Variants in ASB3 observed in about 807,000 individuals in gnomAD.
The protein encoded by ASB3 is ankyrin repeat and SOCS box containing 3.
In ASB3, 41 loss-of-function variants were observed where a neutral mutation model predicts 54.5. The observed-to-expected ratio is 0.75, with a 90% CI of 0.59 to 0.98. The LOEUF (loss-of-function observed/expected upper bound fraction) is 0.98, where lower values mean the gene tolerates loss of function less well. Among genes scored for constraint, ASB3 ranks in the 50% least tolerant of loss-of-function variants. The pLI is 0.00. For synonymous variants in ASB3, 266 were observed against 221.2 expected (o/e 1.20, Z -1.80); for missense variants, 733 against 620.0 (o/e 1.18, Z -1.94).
chr2:53,679,868 C>T lies in ASB3; in HGVS notation c.1370-9178G>A, dbSNP rs566112051. On this transcript the variant is annotated intron_variant, in intron 9 of 9. Transcript: ENST00000263634. ...CCAGGTATTAAGCCTAGTACTCATTCGTTATTTTTTCCTGGTCCTCTCCTT... is the reference window on the plus strand; with the variant it reads ...CCAGGTATTAAGCCTAGTACTCATTTGTTATTTTTTCCTGGTCCTCTCCTT... Among the ~76,000 whole-genome samples, 18 of 152,214 alleles carry T rather than the reference C, an allele frequency of 1.2e-4. No homozygotes were observed. The South Asian group carries it at 3.7e-3, about 32-fold the overall frequency.
At chr2:53,720,196 C>A (rs751948101) in intron 5 of ASB3, among the ~76,000 whole-genome samples, 2 of 151,428 alleles carry the variant, frequency 1.3e-5, no homozygotes, top group Non-Finnish European at 2.9e-5. Flanking sequence ...TGGACATACT[C>A]TCCCCACTTT....
At chr2:53,725,369 A>C (rs1175742268) in intron 5 of ASB3, among the ~76,000 whole-genome samples, 1 of 152,192 alleles carries the variant, frequency 6.6e-6, no homozygotes, top group Non-Finnish European at 1.5e-5. Context: ...GGTCATTCAT[A>C]TCCCAAACCT....
At chr2:53,692,083 C>T (rs182966756) in intron 9 of ASB3, among the ~76,000 whole-genome samples, 2 of 152,288 alleles carry the variant, frequency 1.3e-5, no homozygotes, top group South Asian at 2.1e-4. Flanking sequence ...GCCTCTACCC[C>T]TTAGATGGCA....
chr2:53,778,492 A>T (rs1006613894), intron 1 of ASB3, among the ~76,000 whole-genome samples: 4 of 152,200 alleles, frequency 2.6e-5, no homozygotes, highest in African/African-American at 9.6e-5. Flanking sequence ...TGTGCAACAT[A>T]TCTCAAAGAA....
chr2:53,682,572 G>T (rs1030988317), intron 9 of ASB3, among the ~76,000 whole-genome samples: 1 of 152,234 alleles, frequency 6.6e-6, no homozygotes, highest in African/African-American at 2.4e-5. Context: ...CACCTCTCGG[G>T]TTCAAGTGAT....
At chr2:53,752,459 T>C (rs2104013526) in intron 2 of ASB3, among the ~76,000 whole-genome samples, 1 of 152,346 alleles carries the variant, frequency 6.6e-6, no homozygotes, top group African/African-American at 2.4e-5. Context: ...GCCAGGCTCC[T>C]CCCCACTGCA....
intron 9 of ASB3, among the ~76,000 whole-genome samples, chr2:53,693,267 T>C (rs901653748): frequency 6.6e-6 from 1 of 152,164 alleles, no homozygotes; most frequent in African/African-American, 2.4e-5. Context: ...TGCAAAATCT[T>C]CCCCCACTGT....
chr2:53,775,195 A>C (rs1376719560), intron 1 of ASB3: 2 of 152,662 alleles, frequency 1.3e-5, no homozygotes, highest in African/African-American at 4.8e-5. Flanking sequence ...CATGATCACT[A>C]ATGATGTAGT....
chr2:53,716,796 C>G, intron 5 of ASB3, 53 bp from the exon 6 acceptor site: 1 of 1,513,344 alleles, frequency 6.6e-7, no homozygotes, highest in Admixed American at 2.0e-5. Context: ...TTAAAAAAAT[C>G]AACACAAATT....
chr2:53,750,714 T>C, intron 3 of ASB3, 69 bp downstream of exon 3: 2 of 1,397,032 alleles, frequency 1.4e-6, no homozygotes, highest in Non-Finnish European at 1.9e-6. Context: ...GAAGGAAAAA[T>C]TAAGCTTAGT....
intron 5 of ASB3, among the ~76,000 whole-genome samples, chr2:53,720,992 G>A (rs574124967): frequency 2.6e-5 from 4 of 151,878 alleles, no homozygotes; most frequent in South Asian, 2.1e-4. Flanking sequence ...AGGGGTGCGC[G>A]CCTGTAATCC....
chr2:53,786,419 C>T (rs1573049748), intron 1 of ASB3: 1 of 152,192 alleles, frequency 6.6e-6, no homozygotes, highest in Non-Finnish European at 1.5e-5. Flanking sequence ...CGGTATTCAC[C>T]TACGGGGAGA....
intron 3 of ASB3, among the ~76,000 whole-genome samples, chr2:53,742,536 G>A (rs1671991911): frequency 6.6e-6 from 1 of 152,026 alleles, no homozygotes; most frequent in African/African-American, 2.4e-5. Context: ...AAGAAGTTAA[G>A]GAAGCAATTG....
At chr2:53,674,892 A>C (rs186211437) in intron 9 of ASB3, among the ~76,000 whole-genome samples, 3 of 152,314 alleles carry the variant, frequency 2.0e-5, no homozygotes, top group Non-Finnish European at 4.4e-5. Flanking sequence ...AGATTAGGAC[A>C]TGAAGTCAAA....
chr2:53,719,078 G>A (rs764256050), intron 5 of ASB3, among the ~76,000 whole-genome samples: 7 of 151,986 alleles, frequency 4.6e-5, no homozygotes, highest in Non-Finnish European at 8.8e-5. Context: ...GCACTACCAC[G>A]CCCAGCTGAT....
intron 3 of ASB3, among the ~76,000 whole-genome samples, chr2:53,741,683 C>T (rs946463517): frequency 6.6e-6 from 1 of 152,022 alleles, no homozygotes; most frequent in African/African-American, 2.4e-5. Flanking sequence ...ATACTGAAAT[C>T]GAGAATTTCT....
Position 53,703,396 on chromosome 2 carries a change from C to G in ASB3, c.981-2868G>C, listed in dbSNP as rs1190824711. ...TAAGTGTCATTCTCACAAAGAATAC[C>G]TACCAAAAATGTTTCAGAACACTGA... On this transcript the variant is annotated intron_variant, in intron 7 of 9. Coordinates refer to ENST00000263634, the MANE Select transcript of ASB3 (RefSeq NM_016115.5). 4.6e-5 allele frequency among the ~76,000 whole-genome samples: 7 copies of G among 152,238 alleles called. 1 individual carries two copies. Among genetic ancestry groups the G allele is most frequent in the African/African-American group, 1.7e-4 (7 of 41,554 alleles).
intron 5 of ASB3, among the ~76,000 whole-genome samples, chr2:53,725,017 T>C (rs1670915904): frequency 6.6e-6 from 1 of 152,168 alleles, no homozygotes; most frequent in Non-Finnish European, 1.5e-5. Flanking sequence ...AGCAAAGACA[T>C]GGAATCAACC....
intron 1 of ASB3, among the ~76,000 whole-genome samples, chr2:53,777,557 G>T (rs1465016405): frequency 6.6e-6 from 1 of 151,936 alleles, no homozygotes; most frequent in Admixed American, 6.6e-5. Context: ...TTACATGAAG[G>T]CATCTCCAGT....
Sources: allele counts gnomAD v4.1 joint callset (sites outside exome capture counted in the v4.1 genomes callset), GRCh38; gene constraint gnomAD v4.1.1; transcripts MANE v1.5; gene names NCBI Gene and HGNC (gene_info 2026-07-23, HGNC 2026-07-21).